The following PKD1L3 variants were observed in gnomAD, a reference collection of about 807,000 sequenced individuals.
PKD1L3 encodes polycystin 1 like 3, transient receptor potential channel interacting, also known as polycystin-1-like protein 3.
Under a neutral mutation model 184.1 loss-of-function variants are expected in PKD1L3, and 239 were observed. The observed-to-expected ratio is 1.30, with a 90% CI of 1.17 to 1.45. The LOEUF (loss-of-function observed/expected upper bound fraction) is 1.45, where lower values mean the gene tolerates loss of function less well. Among genes scored for constraint, PKD1L3 ranks in the 40% most tolerant of loss-of-function variants. PKD1L3 has a pLI of 0.00. For missense variants in PKD1L3, 2,660 were observed against 2,067.2 expected (o/e 1.29, Z -5.56); for synonymous variants, 996 against 778.8 (o/e 1.28, Z -4.64).
At position 71,944,044 on chromosome 16, in the gene PKD1L3, G is replaced by A. The variant is rs2038464072; in HGVS notation, c.3845C>T (p.Thr1282Ile). Reference sequence around the variant, plus strand: ...CCTCTCCATACCCAAAATATCTCCAGTCAGCTTGAAGAGTTTCTTCTTTTT... The same window carrying A: ...CCTCTCCATACCCAAAATATCTCCAATCAGCTTGAAGAGTTTCTTCTTTTT... ...TLKKKKLFKL[T>I]GDILVQILFL... Residue 1282 changes from threonine (T) to isoleucine (I), a missense_variant, in exon 23 of 30, where the codon ACT becomes ATT. Coordinates refer to ENST00000620267, the MANE Select transcript of PKD1L3 (RefSeq NM_181536.2). 2 of 1,551,534 alleles carry A rather than the reference G, an allele frequency of 1.3e-6. No homozygotes were observed. The highest frequency in any genetic ancestry group is 1.7e-6 in the Non-Finnish European group (2 of 1,146,988).
At position 71,971,382 on chromosome 16, in the gene PKD1L3, C is replaced by T. The variant is rs13338988; in HGVS notation, c.1954-1277G>A. Among the ~76,000 whole-genome samples the T allele has an allele frequency of 5.8e-3, 887 of 152,132 alleles. 9 individuals are homozygous for T. Among genetic ancestry groups the T allele is most frequent in the African/African-American group, 0.02 (813 of 41,500 alleles). On this transcript the variant is annotated intron_variant, in intron 12 of 29. Transcript: ENST00000620267. ...AAGCTACCAATTCTGTGTTTGGTTT[C>T]GTGGGTGAAAAGCCTCCAGTACTGT... is the stretch of plus-strand genomic sequence containing the variant.
chr16:71,945,786 C>A (rs2038580658), intron 22 of PKD1L3, among the ~76,000 whole-genome samples: 1 of 151,980 alleles, frequency 6.6e-6, no homozygotes, highest in Non-Finnish European at 1.5e-5. Context: ...TAAATCTCTC[C>A]AAGAAAGTCA....
At chr16:71,972,891 G>C (rs2039772156) in intron 12 of PKD1L3, among the ~76,000 whole-genome samples, 1 of 152,126 alleles carries the variant, frequency 6.6e-6, no homozygotes, top group Non-Finnish European at 1.5e-5. Flanking sequence ...CAGGAACAAG[G>C]TGATAATTAC....
At chr16:71,967,694 A>G (rs1236161514) in intron 14 of PKD1L3, among the ~76,000 whole-genome samples, 1 of 152,006 alleles carries the variant, frequency 6.6e-6, no homozygotes, top group Non-Finnish European at 1.5e-5. Context: ...CAAACTCCTG[A>G]CCTTAGGTGA....
Position 71,960,338 on chromosome 16 carries a change from G to A in PKD1L3, c.2612+2867C>T, listed in dbSNP as rs28654218. Among the ~76,000 whole-genome samples, 11 of 152,190 alleles carry A rather than the reference G, an allele frequency of 7.2e-5. No individual in the cohort carries two copies. The East Asian group carries it at 2.1e-3, about 29-fold the overall frequency. On this transcript the variant is annotated intron_variant, in intron 16 of 29. Coordinates refer to ENST00000620267, the MANE Select transcript of PKD1L3 (RefSeq NM_181536.2). ...AACATATTAAACTCATGTATTAAAA[G>A]AGATTATTAGATCTGGTTTTTTAAA... is the stretch of plus-strand genomic sequence containing the variant.
chr16:71,935,470 T>A lies in PKD1L3; in HGVS notation c.4501A>T (p.Asn1501Tyr), dbSNP rs1448665253. The A allele has an allele frequency of 6.4e-7, 1 of 1,552,134 alleles. No homozygotes were observed. Among genetic ancestry groups the A allele is most frequent in the African/African-American group, 1.4e-5 (1 of 73,050 alleles). The change falls in exon 26 of 30, where the codon AAC becomes TAC. Residue 1501 changes from asparagine (N) to tyrosine (Y), a missense_variant. Transcript: ENST00000620267. The part of the protein sequence containing the change: ...QKWRFFTGKR[N>Y]ILDTSIILIS... ...AGGATTATACTTGTGTCCAGAATGT[T>A]TCTTTTCCCAGTGAAGAACCTCCAC...
chr16:71,993,322 CA>C lies in PKD1L3; in HGVS notation c.428del (p.Leu143TrpfsTer29). 6.5e-7 allele frequency: 1 copy of C among 1,542,900 alleles called. No homozygotes were observed. The part of the protein sequence containing the change: ...YYFICQTGDF[L>X]DGDAHYERNG... ...TTCTTTCATAATGGGCATCTCCGTC[CA>C]AAAAGTCACCTATTTGAAAGCCAAC... is the stretch of plus-strand genomic sequence containing the variant. On this transcript the variant is annotated frameshift_variant, in exon 3 of 30. Transcript: ENST00000620267. LOFTEE classifies it high-confidence loss of function.
At chr16:71,983,980 G>A (rs2040263108) in intron 6 of PKD1L3, 56 bp downstream of exon 6, 27 of 1,538,582 alleles carry the variant, frequency 1.8e-5, no homozygotes, top group Non-Finnish European at 2.3e-5. Flanking sequence ...CTCTTTTTCT[G>A]TTTTCCGCTT....
intron 16 of PKD1L3, among the ~76,000 whole-genome samples, chr16:71,962,488 T>C (rs1297043289): frequency 6.6e-6 from 1 of 152,208 alleles, no homozygotes; most frequent in African/African-American, 2.4e-5. Flanking sequence ...TTTGGTTTAC[T>C]AACATCTTTG....
chr16:71,943,121 GTC>G, intron 23 of PKD1L3, 97 bp from the exon 24 acceptor site: 4 of 883,612 alleles, frequency 4.5e-6, no homozygotes, highest in Non-Finnish European at 6.8e-6. Flanking sequence ...ACTTATGCAG[GTC>G]AAAACCAGTC....
rs1289678395 is a variant in PKD1L3, at chr16:71,942,770, T to A, written c.4114A>T (p.Thr1372Ser). 6.4e-7 allele frequency: 1 copy of A among 1,551,712 alleles called. No individual in the cohort carries two copies. The highest frequency in any genetic ancestry group is 2.0e-5 in the Admixed American group (1 of 51,000). Residue 1372 changes from threonine (T) to serine (S), a missense_variant, in exon 24 of 30, where the codon ACC becomes TCC. Thr to Ser is a moderately conservative substitution (Grantham distance 58). Coordinates refer to ENST00000620267, the MANE Select transcript of PKD1L3 (RefSeq NM_181536.2). ...TCGTCCACTTTCTCATAGGTCTTGGTACGGGGTATTTGGAAAATTAATTGT... is the reference window on the plus strand; with the variant it reads ...TCGTCCACTTTCTCATAGGTCTTGGAACGGGGTATTTGGAAAATTAATTGT... ...GVQLIFQIPRTKTYEKVDEGQ... is the reference protein window; with the variant it reads ...GVQLIFQIPRSKTYEKVDEGQ...
intron 11 of PKD1L3, among the ~76,000 whole-genome samples, chr16:71,974,549 G>A (rs879040401): frequency 3.3e-5 from 5 of 152,158 alleles, no homozygotes; most frequent in Admixed American, 3.3e-4. Context: ...AGGCATGGTG[G>A]CATATGCGCC....
At chr16:71,990,006 T>C (rs1035656152) in intron 4 of PKD1L3, among the ~76,000 whole-genome samples, 1 of 146,124 alleles carries the variant, frequency 6.8e-6, no homozygotes, top group Non-Finnish European at 1.5e-5. Flanking sequence ...ACCCGGGAGG[T>C]AGAGGTTGCA....
chr16:71,986,091 T>C (rs2040350428), intron 5 of PKD1L3, 130 bp downstream of exon 5: 1 of 1,219,986 alleles, frequency 8.2e-7, no homozygotes, highest in Non-Finnish European at 1.1e-6. Flanking sequence ...GTTTAGTTTT[T>C]GTTTTGGATT....
At chr16:71,943,438 C>T (rs565371926) in intron 23 of PKD1L3, among the ~76,000 whole-genome samples, 132 of 143,932 alleles carry the variant, frequency 9.2e-4, no homozygotes, top group South Asian at 5.7e-3. Context: ...ACCAGGAGGC[C>T]GAGGTAGGAG....
At chr16:71,947,651 C>A in intron 21 of PKD1L3, 60 bp from the exon 22 acceptor site, 1 of 1,166,286 alleles carries the variant, frequency 8.6e-7, no homozygotes, top group South Asian at 1.4e-5. Context: ...AAGATAATAC[C>A]GTATGTAAAG....
intron 16 of PKD1L3, among the ~76,000 whole-genome samples, chr16:71,957,448 A>G (rs1251520298): frequency 1.3e-5 from 2 of 152,166 alleles, no homozygotes; most frequent in Non-Finnish European, 2.9e-5. Context: ...GCCTAATCCA[A>G]CTGTATTCTG....
intron 12 of PKD1L3, 78 bp downstream of exon 12, chr16:71,973,246 C>A (rs957044744): frequency 8.3e-6 from 12 of 1,449,732 alleles, no homozygotes; most frequent in South Asian, 1.3e-5. Context: ...TGGGCTGCCC[C>A]AAATGAGATA....
intron 26 of PKD1L3, 137 bp downstream of exon 26, chr16:71,935,221 A>G (rs556159952): frequency 1.2e-5 from 11 of 911,156 alleles, no homozygotes; most frequent in East Asian, 1.1e-4. Flanking sequence ...TGCTGTGGAC[A>G]TGAGTCCAAG....
Sources: allele counts gnomAD v4.1 joint callset (sites outside exome capture counted in the v4.1 genomes callset), GRCh38; gene constraint gnomAD v4.1.1; transcripts MANE v1.5; gene names NCBI Gene and HGNC (gene_info 2026-07-23, HGNC 2026-07-21).